MCC: variants seen among roughly 807,000 people sequenced by gnomAD.
MCC encodes colorectal mutant cancer protein.
MCC carries 90 observed loss-of-function variants against 116.2 expected under a neutral mutation model. That is an observed-to-expected ratio of 0.77 (90% confidence interval 0.65 to 0.92). MCC has a LOEUF of 0.92. Among genes scored for constraint, MCC ranks in the 40% least tolerant of loss-of-function variants. The pLI, the probability that MCC is intolerant of heterozygous loss-of-function variation, is 0.00. For missense variants in MCC, 1,516 were observed against 1,312.2 expected (o/e 1.16, Z -2.40); for synonymous variants, 578 against 510.5 (o/e 1.13, Z -1.78).
Position 113,047,314 on chromosome 5 carries a change from T to G in MCC, c.2655+1779A>C, listed in dbSNP as rs373561115. On this transcript the variant is annotated intron_variant, in intron 16 of 18. Transcript: ENST00000408903. ...ACAGAGCTGCCTCTAGCACCCTGCC[T>G]TGGTTCTGGCACGCTGTGAGTGCCA... 1.1e-4 allele frequency among the ~76,000 whole-genome samples: 16 copies of G among 152,342 alleles called. No homozygotes were observed. The East Asian group carries it at 1.2e-3, about 11-fold the overall frequency.
At chr5:113,124,945 C>G (rs1043446196) in intron 5 of MCC, among the ~76,000 whole-genome samples, 2 of 152,198 alleles carry the variant, frequency 1.3e-5, no homozygotes, top group African/African-American at 2.4e-5. Context: ...CTGGGTGGAG[C>G]AGCGCTCAAG....
intron 3 of MCC, among the ~76,000 whole-genome samples, chr5:113,256,267 T>C (rs779209694): frequency 6.6e-6 from 1 of 152,210 alleles, no homozygotes; most frequent in African/African-American, 2.4e-5. Flanking sequence ...CCTATCCTCA[T>C]CCCAGCACTG....
At position 113,340,372 on chromosome 5, in the gene MCC, C is replaced by T. The variant is rs954841967; in HGVS notation, c.627+147G>A. On this transcript the variant is annotated intron_variant, in intron 3 of 18. Transcript: ENST00000408903. The stretch of plus-strand genomic sequence containing the variant: ...GTGCTGGCAACTTTGGAACACTAAA[C>T]ATTACTGGCAATGCTGGAAATGGTA... The T allele has an allele frequency of 1.5e-5, 11 of 733,656 alleles. No homozygotes were observed. The African/African-American group carries it at 1.9e-4, about 13-fold the overall frequency. 45.4% of individuals were successfully genotyped at this position (733,656 alleles called of 1,614,324 possible). A position where few individuals can be genotyped will look rare whatever the true frequency, so the allele number is the denominator to read the frequency against.
chr5:113,296,704 A>G (rs1426849455), intron 3 of MCC, among the ~76,000 whole-genome samples: 2 of 152,206 alleles, frequency 1.3e-5, no homozygotes, highest in Non-Finnish European at 2.9e-5. Flanking sequence ...CTCAATAGGC[A>G]ATGGAGAGCC....
chr5:113,238,861 A>G (rs575701468), intron 3 of MCC, among the ~76,000 whole-genome samples: 2 of 152,378 alleles, frequency 1.3e-5, no homozygotes, highest in South Asian at 4.1e-4. Flanking sequence ...AACTTAAAAC[A>G]TATTTTCCAA....
In MCC at chr5:113,082,926, G is replaced by A. The variant is rs1018098966; in HGVS notation, c.1718C>T (p.Ser573Leu). ...NIQEIFQTLYSHGSAISESKI... is the reference protein window; with the variant it reads ...NIQEIFQTLYLHGSAISESKI... ...GCTTTCTGAGATGGCAGATCCGTGT[G>A]AGTAGAGTGTTTGGAAAATCTCTTG... Residue 573 changes from serine to leucine, a missense_variant, in exon 11 of 19, where the codon TCA becomes TTA. Physicochemically the swap from Ser to Leu is moderately radical, Grantham distance 145. Coordinates refer to ENST00000408903, the MANE Select transcript of MCC (RefSeq NM_001085377.2). 3.7e-6 allele frequency: 6 copies of A among 1,614,056 alleles called. No individual in the cohort carries two copies. The highest frequency in any genetic ancestry group is 1.6e-4 in the Middle Eastern group (1 of 6,084).
chr5:113,218,740 G>C (rs1269842619), intron 3 of MCC, among the ~76,000 whole-genome samples: 3 of 152,130 alleles, frequency 2.0e-5, no homozygotes, highest in African/African-American at 7.2e-5. Context: ...TGTTCACAAG[G>C]CTTTGATTTG....
At chr5:113,237,661 A>G (rs983464466) in intron 3 of MCC, among the ~76,000 whole-genome samples, 2 of 152,222 alleles carry the variant, frequency 1.3e-5, no homozygotes, top group Non-Finnish European at 2.9e-5. Flanking sequence ...AAGCACACAC[A>G]TGGGCTACAA....
intron 5 of MCC, among the ~76,000 whole-genome samples, chr5:113,129,215 C>T (rs6594686): frequency 0.69 from 104,355 of 151,976 alleles, 36,047 homozygotes; most frequent in East Asian, 0.88. Flanking sequence ...GATAGGAGCC[C>T]AGGCTGAGGA....
In MCC at chr5:113,487,421, C is replaced by T. The variant is rs985817236; in HGVS notation, c.170+824G>A. On this transcript the variant is annotated intron_variant, in intron 1 of 18. Transcript: ENST00000408903. ...GAAAATGTTGCGATTGCCTTCTTCA[C>T]CACAAGAGTCTAAGTGACACAAATT... 2.0e-5 allele frequency among the ~76,000 whole-genome samples: 3 copies of T among 152,228 alleles called. No homozygotes were observed. The South Asian group carries it at 6.2e-4, about 31-fold the overall frequency.
intron 3 of MCC, among the ~76,000 whole-genome samples, chr5:113,179,115 C>T (rs139179640): frequency 6.6e-6 from 1 of 152,308 alleles, no homozygotes; most frequent in Non-Finnish European, 1.5e-5. Flanking sequence ...CCTTTAAGAA[C>T]ACAGGCTGTG....
intron 3 of MCC, among the ~76,000 whole-genome samples, chr5:113,228,739 C>A (rs1385714222): frequency 1.3e-5 from 2 of 152,084 alleles, no homozygotes; most frequent in African/African-American, 2.4e-5. Flanking sequence ...TGAGAACAGA[C>A]TGTAGAGGGT....
chr5:113,141,299 T>C (rs1245356654), intron 5 of MCC, among the ~76,000 whole-genome samples: 2 of 152,226 alleles, frequency 1.3e-5, no homozygotes, highest in African/African-American at 4.8e-5. Flanking sequence ...TTCTCTGTTC[T>C]GAGCTTTTCA....
chr5:113,298,007 C>T (rs1561514125), intron 3 of MCC, among the ~76,000 whole-genome samples: 2 of 152,138 alleles, frequency 1.3e-5, no homozygotes, highest in East Asian at 3.9e-4. Flanking sequence ...AGATGTTCAG[C>T]AGGAGCTTGA....
intron 3 of MCC, among the ~76,000 whole-genome samples, chr5:113,315,822 G>A (rs1014315691): frequency 7.9e-5 from 12 of 151,930 alleles, no homozygotes; most frequent in African/African-American, 2.7e-4. Context: ...AGGCTGCAGT[G>A]AGCCATGATC....
intron 1 of MCC, among the ~76,000 whole-genome samples, chr5:113,413,471 G>A (rs1638226758): frequency 6.6e-6 from 1 of 152,194 alleles, no homozygotes; most frequent in Non-Finnish European, 1.5e-5. Context: ...TCTCTTCAGA[G>A]ATTCAACTTC....
rs1752642970 is a variant in MCC at position 113,053,848 on chromosome 5, C to T, written c.2325G>A (p.Leu775=). 1 of 1,614,004 alleles carries T rather than the reference C, an allele frequency of 6.2e-7. No homozygotes were observed. Among genetic ancestry groups the T allele is most frequent in the Non-Finnish European group, 8.5e-7 (1 of 1,180,014 alleles). Reference sequence around the variant, plus strand: ...GGATGCTTTCCAGCTCCAGCATGGTCAGCTTGACCGCAGCCCTGTCATTCT... The same window carrying T: ...GGATGCTTTCCAGCTCCAGCATGGTTAGCTTGACCGCAGCCCTGTCATTCT... ...QLKNDRAAVK[L]TMLELESIHI... The change falls in exon 15 of 19, where the codon CTG becomes CTA. Residue 775 remains leucine, a synonymous_variant. Coordinates refer to ENST00000408903, the MANE Select transcript of MCC (RefSeq NM_001085377.2).
intron 2 of MCC, among the ~76,000 whole-genome samples, chr5:113,365,636 C>G (rs1768668541): frequency 6.6e-6 from 1 of 152,136 alleles, no homozygotes; most frequent in Admixed American, 6.5e-5. Context: ...TTAGTTCATT[C>G]TTGCATTGCT....
In MCC at chr5:113,071,091, T is replaced by C; in HGVS notation, c.1925+3A>G. On this transcript the variant is annotated splice_donor_region_variant and intron_variant, in intron 12 of 18. Transcript: ENST00000408903. ...AGCTCCAAACATCCCAGTGTGTGCC[T>C]ACCTGTACTGCAAGGCCAGCCTCAG... 1.2e-6 allele frequency: 2 copies of C among 1,613,576 alleles called. No homozygotes were observed. The highest frequency in any genetic ancestry group is 8.5e-7 in the Non-Finnish European group (1 of 1,179,730).
Sources: gnomAD v4.1 joint callset for allele counts (sites outside exome capture counted in the v4.1 genomes callset) on GRCh38, gnomAD v4.1.1 for gene constraint, MANE v1.5 for transcripts, NCBI Gene and HGNC (gene_info 2026-07-23, HGNC 2026-07-21) for gene names.